Variants in ROBO2 observed in about 807,000 individuals in gnomAD.
The protein encoded by ROBO2 is roundabout guidance receptor 2, also known as roundabout homolog 2.
In ROBO2, 53 loss-of-function variants were observed where a neutral mutation model predicts 160.8. The observed-to-expected ratio is 0.33, with a 90% CI of 0.26 to 0.41. The LOEUF (loss-of-function observed/expected upper bound fraction) is 0.41, where lower values mean the gene tolerates loss of function less well. Among genes scored for constraint, ROBO2 ranks in the 10% least tolerant of loss-of-function variants. The pLI is 1.00. For synonymous variants in ROBO2, 664 were observed against 611.7 expected, an observed-to-expected ratio of 1.09 and a Z score of -1.26; for missense variants, 1,577 against 1,722.4, an observed-to-expected ratio of 0.92 and a Z score of 1.49.
intron 2 of ROBO2, among the ~76,000 whole-genome samples, chr3:76,433,865 C>G (rs924165739): frequency 6.6e-6 from 1 of 152,204 alleles, no homozygotes; most frequent in African/African-American, 2.4e-5. Flanking sequence ...GAATTCACAT[C>G]TCTATCTATT....
chr3:76,023,688 A>T (rs1308870572), intron 2 of ROBO2, among the ~76,000 whole-genome samples: 1 of 151,644 alleles, frequency 6.6e-6, no homozygotes, highest in Non-Finnish European at 1.5e-5. Context: ...AAATATAACC[A>T]TAACAATATA....
intron 2 of ROBO2, among the ~76,000 whole-genome samples, chr3:76,424,631 A>G (rs2076135252): frequency 6.6e-6 from 1 of 152,160 alleles, no homozygotes; most frequent in Non-Finnish European, 1.5e-5. Context: ...AAAATTTGCT[A>G]AGAGGTTAGA....
chr3:76,243,490 G>C (rs991848919), intron 2 of ROBO2, among the ~76,000 whole-genome samples: 2 of 152,140 alleles, frequency 1.3e-5, no homozygotes, highest in African/African-American at 4.8e-5. Context: ...ATAAGCTAAA[G>C]AGAAAACACA....
At chr3:77,161,924 A>G (rs1308536561) in intron 2 of ROBO2, among the ~76,000 whole-genome samples, 1 of 152,156 alleles carries the variant, frequency 6.6e-6, no homozygotes, top group Admixed American at 6.5e-5. Context: ...CAAATTATCT[A>G]CAAAGTCATG....
Position 76,996,104 on chromosome 3 carries a change from A to G in ROBO2, c.110-101910A>G, listed in dbSNP as rs999060649. Among the ~76,000 whole-genome samples, 178 of 152,272 alleles carry G rather than the reference A, an allele frequency of 1.2e-3. 1 individual carries two copies. Among genetic ancestry groups the G allele is most frequent in the Middle Eastern group, 3.4e-3 (1 of 294 alleles). ...TTTTAGGTCTAACATTTAAGTCTTT[A>G]ATCCATCTTGAATTAATTTTTGTAT... On this transcript the variant is annotated intron_variant, in intron 2 of 26. Coordinates refer to the ROBO2 transcript ENST00000487694.
chr3:77,271,249 C>T (rs1226684452), intron 2 of ROBO2, among the ~76,000 whole-genome samples: 1 of 152,074 alleles, frequency 6.6e-6, no homozygotes, highest in African/African-American at 2.4e-5. Flanking sequence ...GTGTAAGCTA[C>T]CATAATATTT....
chr3:76,491,520 C>T (rs2079823648), intron 2 of ROBO2, among the ~76,000 whole-genome samples: 1 of 152,130 alleles, frequency 6.6e-6, no homozygotes, highest in Admixed American at 6.5e-5. Context: ...AAACAGAAAT[C>T]AGAAATGTGC....
chr3:77,523,695 C>T (rs1370208353), intron 6 of ROBO2, among the ~76,000 whole-genome samples: 2 of 151,382 alleles, frequency 1.3e-5, no homozygotes, highest in Admixed American at 1.3e-4. Flanking sequence ...GACACTCACA[C>T]TAATTCTTGA....
At chr3:76,583,020 A>G (rs2085800796) in intron 2 of ROBO2, among the ~76,000 whole-genome samples, 1 of 151,980 alleles carries the variant, frequency 6.6e-6, no homozygotes, top group Non-Finnish European at 1.5e-5. Flanking sequence ...AAAAAAAAAA[A>G]AAAAGCAAGA....
chr3:77,143,808 T>G (rs2076915431), intron 2 of ROBO2, among the ~76,000 whole-genome samples: 1 of 151,690 alleles, frequency 6.6e-6, no homozygotes, highest in Non-Finnish European at 1.5e-5. Context: ...TCTTGCCCAT[T>G]TTTTTTTCAT....
At chr3:76,508,477 G>A (rs1281460629) in intron 2 of ROBO2, among the ~76,000 whole-genome samples, 3 of 151,792 alleles carry the variant, frequency 2.0e-5, no homozygotes, top group African/African-American at 2.4e-5. Flanking sequence ...TCCTTTCCTC[G>A]TTCTTGTGAC....
intron 2 of ROBO2, among the ~76,000 whole-genome samples, chr3:76,619,339 CA>C (rs10629440): frequency 3.9e-4 from 53 of 137,404 alleles, no homozygotes; most frequent in Middle Eastern, 3.8e-3. Context: ...GACTCCGTCT[CA>C]AAAAAAAAAA....
At chr3:77,110,990 G>A (rs1234530286) in intron 2 of ROBO2, among the ~76,000 whole-genome samples, 1 of 152,072 alleles carries the variant, frequency 6.6e-6, no homozygotes, top group Non-Finnish European at 1.5e-5. Context: ...CATTGGGCCT[G>A]ACTTAAAACT....
chr3:76,099,891 C>T (rs1239128810), intron 2 of ROBO2, among the ~76,000 whole-genome samples: 1 of 152,114 alleles, frequency 6.6e-6, no homozygotes, highest in Non-Finnish European at 1.5e-5. Flanking sequence ...ATGGATTCTC[C>T]ACTTGATATA....
intron 1 of ROBO2, among the ~76,000 whole-genome samples, chr3:75,911,865 T>C (rs1383125073): frequency 1.3e-5 from 2 of 152,156 alleles, no homozygotes; most frequent in Non-Finnish European, 2.9e-5. Flanking sequence ...CGAAGCCTTG[T>C]TTCTTATCTA....
chr3:77,555,693 T>G (rs1311084819), intron 8 of ROBO2, among the ~76,000 whole-genome samples: 2 of 151,968 alleles, frequency 1.3e-5, no homozygotes. Flanking sequence ...TATCTTGTAC[T>G]GACAATAAAT....
At chr3:77,489,767 C>T (rs1336554728) in intron 4 of ROBO2, among the ~76,000 whole-genome samples, 1 of 152,158 alleles carries the variant, frequency 6.6e-6, no homozygotes, top group African/African-American at 2.4e-5. Context: ...AGCATAATGT[C>T]ATGAAAACTT....
At chr3:76,128,751 A>G (rs1368053404) in intron 2 of ROBO2, among the ~76,000 whole-genome samples, 3 of 152,144 alleles carry the variant, frequency 2.0e-5, no homozygotes, top group African/African-American at 7.2e-5. Flanking sequence ...GTCAAAGAAT[A>G]TAAACTGCTG....
intron 2 of ROBO2, among the ~76,000 whole-genome samples, chr3:76,743,135 A>G (rs1167125622): frequency 1.3e-5 from 2 of 152,130 alleles, no homozygotes; most frequent in African/African-American, 4.8e-5. Flanking sequence ...ACCTTAGAAT[A>G]CAAGTCTTGG....
Sources: allele counts gnomAD v4.1 joint callset (sites outside exome capture counted in the v4.1 genomes callset), GRCh38; gene constraint gnomAD v4.1.1; transcripts MANE v1.5; gene names NCBI Gene and HGNC (gene_info 2026-07-23, HGNC 2026-07-21).